PFDN1: variants seen among roughly 807,000 people sequenced by gnomAD.
PFDN1 encodes the protein prefoldin 1.
In PFDN1, 6 loss-of-function variants were observed where a neutral mutation model predicts 17.3. The observed-to-expected ratio is 0.35, with a 90% confidence interval of 0.19 to 0.69. The LOEUF (loss-of-function observed/expected upper bound fraction) is 0.69, where lower values mean the gene tolerates loss of function less well. PFDN1 is among the 30% of genes least tolerant of loss of function. The pLI is 0.65. For synonymous variants in PFDN1, 58 were observed against 50.1 expected (o/e 1.16, Z -0.67); for missense variants, 113 against 146.2 (o/e 0.77, Z 1.17).
intron 3 of PFDN1, among the ~76,000 whole-genome samples, chr5:140,276,726 A>G (rs938612498): frequency 7.1e-6 from 1 of 141,034 alleles, no homozygotes; most frequent in African/African-American, 2.6e-5. Context: ...GGTTGCTGTG[A>G]GCCAAGATAG....
chr5:140,259,099 AG>A (rs1395200905), intron 3 of PFDN1, among the ~76,000 whole-genome samples: 1 of 152,232 alleles, frequency 6.6e-6, no homozygotes, highest in African/African-American at 2.4e-5. Flanking sequence ...AAAAAGAATG[AG>A]GTCACTAAAA....
Position 140,245,112 on chromosome 5 carries a change from T to C in PFDN1, c.*862A>G, listed in dbSNP as rs1426084982. On this transcript the variant is annotated 3_prime_UTR_variant, in exon 4 of 4. Transcript: ENST00000261813. ...TTTATTGTCCTTGTTTTTAACATAA[T>C]TTGCAAATTTACATAATTATAATGG... 8.9e-6 allele frequency: 2 copies of C among 223,934 alleles called. No homozygotes were observed. Among genetic ancestry groups the C allele is most frequent in the Non-Finnish European group, 1.8e-5 (2 of 111,626 alleles). 13.9% of individuals were successfully genotyped at this position (223,934 alleles called of 1,614,324 possible).
At chr5:140,256,656 G>GACAAAAAAAAAAAAA (rs1764989753) in intron 3 of PFDN1, among the ~76,000 whole-genome samples, 1 of 6,560 alleles carries the variant, frequency 1.5e-4, no homozygotes, top group Non-Finnish European at 3.4e-4. Flanking sequence ...AACAAAAAAT[G>GACAAAAAAAAAAAAA]ACAAAAAAAA....
chr5:140,249,936 G>A (rs962209030), intron 3 of PFDN1, among the ~76,000 whole-genome samples: 2 of 152,138 alleles, frequency 1.3e-5, no homozygotes, highest in Non-Finnish European at 2.9e-5. Context: ...GGTTGGGGGG[G>A]TCTGGGGGTA....
At chr5:140,268,316 CAA>C (rs10707149) in intron 3 of PFDN1, among the ~76,000 whole-genome samples, 2 of 151,882 alleles carry the variant, frequency 1.3e-5, no homozygotes, top group Admixed American at 1.3e-4. Context: ...CTAAAATTCA[CAA>C]AAAAAGTTAT....
At chr5:140,299,969 G>T (rs62385164) in intron 2 of PFDN1, among the ~76,000 whole-genome samples, 35,669 of 151,962 alleles carry the variant, frequency 0.23, 4,691 homozygotes, top group South Asian at 0.46. Flanking sequence ...CCAAGATCGG[G>T]CCATTGCACT....
rs536803508 is a variant in PFDN1 at position 140,252,271 on chromosome 5, G to T, written c.286-6214C>A. Among the ~76,000 whole-genome samples, 9 of 152,274 alleles carry T rather than the reference G, an allele frequency of 5.9e-5. No individual in the cohort carries two copies. In the South Asian group the frequency reaches 1.9e-3, roughly 32 times the overall value. On this transcript the variant is annotated intron_variant, in intron 3 of 3. Transcript: ENST00000261813. ...TGTATACGGATATGTACTTTTATCT[G>T]AATAAAAATAGCCCTGCTGGCTCAT...
At chr5:140,289,112 C>A (rs551019622) in intron 2 of PFDN1, among the ~76,000 whole-genome samples, 3 of 152,026 alleles carry the variant, frequency 2.0e-5, no homozygotes, top group Admixed American at 6.6e-5. Flanking sequence ...ATGACAAACT[C>A]CCATCTATAC....
chr5:140,258,808 T>A (rs1317609357), intron 3 of PFDN1, among the ~76,000 whole-genome samples: 1 of 152,164 alleles, frequency 6.6e-6, no homozygotes, highest in South Asian at 2.1e-4. Flanking sequence ...GAGCTTCGTT[T>A]TGGGTTTAAG....
chr5:140,256,658 C>CAAAAAAAAAAAA (rs757723797), intron 3 of PFDN1, among the ~76,000 whole-genome samples: 147 of 39,804 alleles, frequency 3.7e-3, no homozygotes, highest in Middle Eastern at 0.036. Flanking sequence ...CAAAAAATGA[C>CAAAAAAAAAAAA]AAAAAAAAAA....
At chr5:140,260,821 T>A (rs112563123) in intron 3 of PFDN1, among the ~76,000 whole-genome samples, 1 of 100,008 alleles carries the variant, frequency 1.0e-5, no homozygotes, top group Non-Finnish European at 2.4e-5. Context: ...CTTTAAAAAA[T>A]ATATATATCT....
chr5:140,284,975 A>C (rs1450188753), intron 2 of PFDN1, among the ~76,000 whole-genome samples: 1 of 152,234 alleles, frequency 6.6e-6, no homozygotes, highest in African/African-American at 2.4e-5. Context: ...GCAGTTTGGT[A>C]CAACTTCCAC....
chr5:140,281,658 G>A (rs903859390), intron 2 of PFDN1, 125 bp from the exon 3 acceptor site: 9 of 637,958 alleles, frequency 1.4e-5, no homozygotes, highest in African/African-American at 1.9e-5. Flanking sequence ...AACATAATAC[G>A]TCAAGCTCAG....
chr5:140,293,623 C>T (rs977392560), intron 2 of PFDN1, among the ~76,000 whole-genome samples: 1 of 152,048 alleles, frequency 6.6e-6, no homozygotes, highest in African/African-American at 2.4e-5. Context: ...AAGTACTCGT[C>T]TGCAGAAGAA....
In PFDN1 at chr5:140,245,433, C is replaced by G; in HGVS notation, c.*541G>C. 1.4e-6 allele frequency: 1 copy of G among 702,540 alleles called. No homozygotes were observed. The highest frequency in any genetic ancestry group is 2.6e-6 in the Non-Finnish European group (1 of 384,948). 43.5% of individuals were successfully genotyped at this position (702,540 alleles called of 1,614,324 possible). ...ATTCAGCTGTGAACATCTGTTCTTTCTTCCTCTTCTGTCTACTGCATGCAG... is the reference window on the plus strand; with the variant it reads ...ATTCAGCTGTGAACATCTGTTCTTTGTTCCTCTTCTGTCTACTGCATGCAG... On this transcript the variant is annotated 3_prime_UTR_variant, in exon 4 of 4. Coordinates refer to ENST00000261813, the MANE Select transcript of PFDN1 (RefSeq NM_002622.5).
chr5:140,278,396 T>C (rs1765332603), intron 3 of PFDN1, among the ~76,000 whole-genome samples: 2 of 150,012 alleles, frequency 1.3e-5, no homozygotes, highest in African/African-American at 4.9e-5. Flanking sequence ...TGAAACCCCA[T>C]CTCTACTAAA....
At chr5:140,257,328 C>T (rs1485383477) in intron 3 of PFDN1, among the ~76,000 whole-genome samples, 1 of 152,110 alleles carries the variant, frequency 6.6e-6, no homozygotes, top group African/African-American at 2.4e-5. Flanking sequence ...CTCCTGCCAA[C>T]CCCTCCACTT....
chr5:140,254,983 T>A lies in PFDN1; in HGVS notation c.286-8926A>T, dbSNP rs1325850064. Among the ~76,000 whole-genome samples, 2 of 152,220 alleles carry A rather than the reference T, an allele frequency of 1.3e-5. No individual in the cohort carries two copies. The highest frequency in any genetic ancestry group is 4.8e-5 in the African/African-American group (2 of 41,464). On this transcript the variant is annotated intron_variant, in intron 3 of 3. Transcript: ENST00000261813. The surrounding 1 kb of genome is among the most constrained non-coding windows in gnomAD (Gnocchi z 4.4). ...CCATCTACCCACTCCATGCCTCACC[T>A]GAGTGGCTGAATGTTGCTGGAGGAA...
intron 3 of PFDN1, among the ~76,000 whole-genome samples, chr5:140,257,873 G>A (rs776045258): frequency 6.6e-6 from 1 of 152,208 alleles, no homozygotes; most frequent in East Asian, 1.9e-4. Context: ...CATGGTCTTC[G>A]ATGGAGGAAA....
Sources: allele counts gnomAD v4.1 joint callset (sites outside exome capture counted in the v4.1 genomes callset), GRCh38; gene constraint gnomAD v4.1.1; non-coding constraint Gnocchi (gnomAD v3.1); transcripts MANE v1.5; gene names NCBI Gene and HGNC (gene_info 2026-07-23, HGNC 2026-07-21).